Variants in STXBP6 observed in about 807,000 individuals in gnomAD.
The protein encoded by STXBP6 is syntaxin-binding protein 6.
STXBP6 carries 21 observed loss-of-function variants against 26.9 expected under a neutral mutation model. That is an observed-to-expected ratio of 0.78 (90% CI 0.55 to 1.12). The LOEUF (loss-of-function observed/expected upper bound fraction) is 1.12. Ranked by LOEUF, STXBP6 falls within the 50% of genes most tolerant of loss-of-function variation. STXBP6 has a pLI of 0.00. For missense variants in STXBP6, 232 were observed against 257.9 expected (o/e 0.90, Z 0.69); for synonymous variants, 97 against 92.6 (o/e 1.05, Z -0.27).
intron 2 of STXBP6, among the ~76,000 whole-genome samples, chr14:24,974,338 T>A (rs1032976777): frequency 2.6e-5 from 4 of 152,246 alleles, no homozygotes; most frequent in Non-Finnish European, 4.4e-5. Flanking sequence ...CAGCAACTGT[T>A]CTAAAACGAG....
chr14:24,956,492 T>A (rs1336110355), intron 2 of STXBP6, among the ~76,000 whole-genome samples: 1 of 152,222 alleles, frequency 6.6e-6, no homozygotes, highest in Non-Finnish European at 1.5e-5. Flanking sequence ...CAGAAGTTTC[T>A]TTTATATCCT....
At chr14:25,001,087 A>G (rs929558192) in intron 1 of STXBP6, among the ~76,000 whole-genome samples, 1 of 152,166 alleles carries the variant, frequency 6.6e-6, no homozygotes, top group Non-Finnish European at 1.5e-5. Flanking sequence ...TTACCTCTGC[A>G]TAACCATGGG....
intron 1 of STXBP6, among the ~76,000 whole-genome samples, chr14:25,042,725 A>G (rs184323070): frequency 6.6e-6 from 1 of 152,288 alleles, no homozygotes; most frequent in East Asian, 1.9e-4. Context: ...GCTTGTTAGA[A>G]GTGCAGAATC....
intron 4 of STXBP6, among the ~76,000 whole-genome samples, chr14:24,848,672 C>T (rs1183820038): frequency 6.6e-6 from 1 of 152,066 alleles, no homozygotes; most frequent in Non-Finnish European, 1.5e-5. Flanking sequence ...GCGTAGCTTA[C>T]AGCCAATGAG....
chr14:24,888,330 A>G (rs896265607), intron 2 of STXBP6, among the ~76,000 whole-genome samples: 7 of 152,242 alleles, frequency 4.6e-5, no homozygotes, highest in Non-Finnish European at 7.3e-5. Context: ...GGGAAAAGCC[A>G]CAAAGCAACC....
At chr14:25,011,571 A>G (rs1042388795) in intron 1 of STXBP6, among the ~76,000 whole-genome samples, 5 of 152,202 alleles carry the variant, frequency 3.3e-5, no homozygotes, top group Non-Finnish European at 7.3e-5. Context: ...GTCCAAGAGA[A>G]TGAGACAAAA....
intron 1 of STXBP6, among the ~76,000 whole-genome samples, chr14:25,027,619 T>C (rs1037063612): frequency 3.3e-4 from 50 of 152,178 alleles, no homozygotes; most frequent in African/African-American, 1.2e-3. Context: ...TTAATAATCC[T>C]ACAATTGACT....
intron 5 of STXBP6, among the ~76,000 whole-genome samples, chr14:24,818,522 C>A (rs977426576): frequency 6.6e-6 from 1 of 152,180 alleles, no homozygotes; most frequent in Non-Finnish European, 1.5e-5. Context: ...ATCGACCCCT[C>A]TCCGAGGGAA....
chr14:24,929,923 A>G (rs1158059349), intron 2 of STXBP6, among the ~76,000 whole-genome samples: 1 of 152,192 alleles, frequency 6.6e-6, no homozygotes, highest in East Asian at 1.9e-4. Flanking sequence ...AATCTAGAAA[A>G]TATGTAGCCT....
At chr14:24,923,343 G>T (rs370870205) in intron 2 of STXBP6, among the ~76,000 whole-genome samples, 1 of 151,928 alleles carries the variant, frequency 6.6e-6, no homozygotes, top group East Asian at 1.9e-4. Context: ...ACTGCTGTAT[G>T]GTATTCCATT....
intron 2 of STXBP6, among the ~76,000 whole-genome samples, chr14:24,913,940 A>C (rs1291286668): frequency 6.6e-6 from 1 of 152,120 alleles, no homozygotes; most frequent in Non-Finnish European, 1.5e-5. Flanking sequence ...TTTCCCTTTC[A>C]TCTCCTGAGC....
intron 2 of STXBP6, among the ~76,000 whole-genome samples, chr14:24,971,799 C>T (rs945292287): frequency 1.3e-5 from 2 of 152,126 alleles, no homozygotes; most frequent in African/African-American, 4.8e-5. Flanking sequence ...TAATCTTTCA[C>T]AGTTTATAAC....
intron 2 of STXBP6, among the ~76,000 whole-genome samples, chr14:24,883,216 G>C (rs1466533867): frequency 1.3e-5 from 2 of 152,124 alleles, no homozygotes; most frequent in African/African-American, 4.8e-5. Flanking sequence ...TCTGTAAACA[G>C]AGTACTTCTC....
chr14:24,998,673 G>A (rs1049487426), intron 1 of STXBP6, among the ~76,000 whole-genome samples: 8 of 152,148 alleles, frequency 5.3e-5, no homozygotes, highest in Non-Finnish European at 1.0e-4. Flanking sequence ...TGAATTTACT[G>A]AACACCTACC....
intron 1 of STXBP6, among the ~76,000 whole-genome samples, chr14:25,018,657 T>A (rs1402313494): frequency 6.6e-6 from 1 of 152,196 alleles, no homozygotes; most frequent in African/African-American, 2.4e-5. Context: ...TGTGTCCTGG[T>A]CTCAATCTGC....
rs556271335 is a variant in STXBP6, at chr14:24,923,514, T to C, written c.154+51151A>G. Among the ~76,000 whole-genome samples, 8 of 152,230 alleles carry C rather than the reference T, an allele frequency of 5.3e-5. No homozygotes were observed. In the South Asian group the frequency reaches 8.3e-4, roughly 16 times the overall value. On this transcript the variant is annotated intron_variant, in intron 2 of 5. Transcript: ENST00000323944. The stretch of plus-strand genomic sequence containing the variant: ...AGCCCTATAAGCACACCTTACATTT[T>C]GGAAGGTTTTGACAAATGGTTCTCC...
intron 2 of STXBP6, among the ~76,000 whole-genome samples, chr14:24,911,232 G>C (rs760341433): frequency 6.6e-6 from 1 of 152,024 alleles, no homozygotes; most frequent in Non-Finnish European, 1.5e-5. Flanking sequence ...AGCTACTCAG[G>C]AGACTGAGGC....
intron 4 of STXBP6, among the ~76,000 whole-genome samples, chr14:24,826,291 G>A (rs529892608): frequency 1.6e-4 from 25 of 152,268 alleles, no homozygotes; most frequent in African/African-American, 6.0e-4. Context: ...CTGTCCTAGG[G>A]ATTGGTCTAG....
chr14:25,036,367 C>T (rs989193676), intron 1 of STXBP6, among the ~76,000 whole-genome samples: 3 of 152,032 alleles, frequency 2.0e-5, no homozygotes, highest in African/African-American at 7.2e-5. Context: ...TCTGGGATGG[C>T]CAAGCACATA....
Sources: allele counts gnomAD v4.1 joint callset (sites outside exome capture counted in the v4.1 genomes callset), GRCh38; gene constraint gnomAD v4.1.1; transcripts MANE v1.5; gene names NCBI Gene and HGNC (gene_info 2026-07-23, HGNC 2026-07-21).